Variants in EDIL3 observed in about 807,000 individuals in gnomAD.
EDIL3 encodes EGF like and discoidin domains 3, also known as EGF-like repeat and discoidin I-like domain-containing protein 3.
A neutral mutation model predicts 67.4 loss-of-function variants in EDIL3; 37 were observed. The ratio of observed to expected loss-of-function variants is 0.55; its 90% confidence interval spans 0.42 to 0.72. The LOEUF is 0.72. Among genes scored for constraint, EDIL3 ranks in the 30% least tolerant of loss-of-function variants. The pLI is 0.00. For synonymous variants in EDIL3, 195 were observed against 196.3 expected, an observed-to-expected ratio of 0.99 and a Z score of 0.05; for missense variants, 527 against 586.3, an observed-to-expected ratio of 0.90 and a Z score of 1.04.
At chr5:84,226,347 AC>A (rs1744452378) in intron 3 of EDIL3, among the ~76,000 whole-genome samples, 1 of 151,714 alleles carries the variant, frequency 6.6e-6, no homozygotes, top group South Asian at 2.1e-4. Flanking sequence ...AACATGAATA[AC>A]AGCTATAAAT....
At chr5:84,284,317 T>C (rs1038986303) in intron 1 of EDIL3, among the ~76,000 whole-genome samples, 6 of 152,184 alleles carry the variant, frequency 3.9e-5, no homozygotes, top group Admixed American at 3.9e-4. Context: ...CAAGTCCCAG[T>C]TGTCTTCTTT....
intron 1 of EDIL3, among the ~76,000 whole-genome samples, chr5:84,299,515 CCT>C (rs1491119875): frequency 1.3e-5 from 2 of 152,178 alleles, no homozygotes; most frequent in Non-Finnish European, 2.9e-5. Flanking sequence ...CCTTAAATTA[CCT>C]TTTTTCCCCC....
At chr5:84,118,017 C>G (rs1747702500) in intron 5 of EDIL3, among the ~76,000 whole-genome samples, 1 of 151,894 alleles carries the variant, frequency 6.6e-6, no homozygotes, top group Admixed American at 6.6e-5. Flanking sequence ...TATTTTTTAA[C>G]TTAATAGTCT....
chr5:84,313,625 C>T (rs1580072286), intron 1 of EDIL3, among the ~76,000 whole-genome samples: 1 of 152,114 alleles, frequency 6.6e-6, no homozygotes, highest in Non-Finnish European at 1.5e-5. Context: ...TGGTAACTCC[C>T]AAGAGCCATT....
chr5:84,263,547 C>T (rs1745278355), intron 1 of EDIL3, among the ~76,000 whole-genome samples: 1 of 152,110 alleles, frequency 6.6e-6, no homozygotes, highest in African/African-American at 2.4e-5. Context: ...GAGTTGGCAT[C>T]CTACTCTGCT....
At chr5:84,334,835 T>C (rs1202609317) in intron 1 of EDIL3, among the ~76,000 whole-genome samples, 2 of 152,182 alleles carry the variant, frequency 1.3e-5, no homozygotes, top group African/African-American at 2.4e-5. Context: ...TAAATAAACA[T>C]TGATGAGCAT....
intron 2 of EDIL3, among the ~76,000 whole-genome samples, chr5:84,232,760 G>A (rs144446644): frequency 6.6e-6 from 1 of 152,062 alleles, no homozygotes; most frequent in Non-Finnish European, 1.5e-5. Context: ...TATACACAAG[G>A]GTTACTATTG....
At chr5:84,182,809 ATT>A (rs5869214) in intron 3 of EDIL3, among the ~76,000 whole-genome samples, 2,937 of 149,080 alleles carry the variant, frequency 0.02, 41 homozygotes, top group South Asian at 0.046. Context: ...GGGCTCTGTG[ATT>A]TTTTTTTTTT....
intron 5 of EDIL3, among the ~76,000 whole-genome samples, chr5:84,113,878 G>A (rs143025826): frequency 6.6e-6 from 1 of 152,200 alleles, no homozygotes; most frequent in Admixed American, 6.5e-5. Flanking sequence ...CATCTTATAC[G>A]AGTGAGTCCT....
At chr5:83,946,685 T>C (rs548473094) in intron 10 of EDIL3, among the ~76,000 whole-genome samples, 4 of 152,018 alleles carry the variant, frequency 2.6e-5, no homozygotes, top group Non-Finnish European at 2.9e-5. Flanking sequence ...CAGGCCGGTA[T>C]AGACATCAAT....
At chr5:84,266,813 C>T (rs1745361798) in intron 1 of EDIL3, among the ~76,000 whole-genome samples, 1 of 152,182 alleles carries the variant, frequency 6.6e-6, no homozygotes, top group Non-Finnish European at 1.5e-5. Context: ...CCCCAAATTT[C>T]ATATACCCTT....
intron 1 of EDIL3, among the ~76,000 whole-genome samples, chr5:84,359,898 A>G (rs1747562902): frequency 6.6e-6 from 1 of 152,204 alleles, no homozygotes; most frequent in Admixed American, 6.5e-5. Context: ...CCTCTTTTCC[A>G]ATTCATGAAT....
At chr5:84,040,841 G>A (rs1023437251) in intron 9 of EDIL3, among the ~76,000 whole-genome samples, 12 of 152,082 alleles carry the variant, frequency 7.9e-5, no homozygotes, top group Admixed American at 6.6e-4. Context: ...CCATTAGAAT[G>A]GGACTTCAGG....
At chr5:84,053,658 C>T (rs1388208456) in intron 9 of EDIL3, among the ~76,000 whole-genome samples, 1 of 152,054 alleles carries the variant, frequency 6.6e-6, no homozygotes, top group Admixed American at 6.5e-5. Flanking sequence ...TACAAACTAC[C>T]ATCAGAGAAT....
intron 1 of EDIL3, among the ~76,000 whole-genome samples, chr5:84,305,910 AATAAATAAATAG>A (rs1165621164): frequency 2.0e-5 from 3 of 148,772 alleles, no homozygotes; most frequent in East Asian, 1.9e-4. Context: ...TAAATAAATA[AATAAATAAATAG>A]ATAGATAAAT....
chr5:84,191,429 T>C (rs76039414), intron 3 of EDIL3, among the ~76,000 whole-genome samples: 3,253 of 152,140 alleles, frequency 0.021, 121 homozygotes, highest in African/African-American at 0.073. Context: ...GCTGAGAACA[T>C]TGGAAGCACA....
At chr5:84,290,895 A>G (rs1482927654) in intron 1 of EDIL3, among the ~76,000 whole-genome samples, 3 of 152,144 alleles carry the variant, frequency 2.0e-5, no homozygotes, top group Admixed American at 6.6e-5. Flanking sequence ...TGCCTTCCCT[A>G]CTTCATTTCA....
intron 1 of EDIL3, among the ~76,000 whole-genome samples, chr5:84,338,482 T>C (rs951082875): frequency 6.6e-6 from 1 of 152,140 alleles, no homozygotes; most frequent in Non-Finnish European, 1.5e-5. Context: ...TCCCTCTCTG[T>C]CTCCCTCCCT....
intron 9 of EDIL3, among the ~76,000 whole-genome samples, chr5:84,002,633 G>A (rs1231748859): frequency 1.3e-5 from 2 of 152,302 alleles, no homozygotes; most frequent in South Asian, 4.1e-4. Flanking sequence ...ATTTCTATAT[G>A]CCAACAGTGA....
Sources: allele counts gnomAD v4.1 joint callset (sites outside exome capture counted in the v4.1 genomes callset), GRCh38; gene constraint gnomAD v4.1.1; transcripts MANE v1.5; gene names NCBI Gene and HGNC (gene_info 2026-07-23, HGNC 2026-07-21).